Variants in NFASC observed in about 807,000 individuals in gnomAD.
NFASC encodes the protein neurofascin, also known as neurofascin homolog.
A neutral mutation model predicts 147.5 loss-of-function variants in NFASC; 43 were observed. The ratio of observed to expected loss-of-function variants is 0.29; its 90% CI spans 0.23 to 0.38. The LOEUF (loss-of-function observed/expected upper bound fraction) is 0.38, where lower values mean the gene tolerates loss of function less well. Among genes scored for constraint, NFASC ranks in the 10% least tolerant of loss-of-function variants. The pLI is 1.00. For synonymous variants in NFASC, 622 were observed against 665.5 expected (o/e 0.93, Z 1.01); for missense variants, 1,320 against 1,689.0 (o/e 0.78, Z 3.83).
At chr1:204,992,784 G>A (rs1484644632) in intron 24 of NFASC, among the ~76,000 whole-genome samples, 2 of 152,206 alleles carry the variant, frequency 1.3e-5, no homozygotes, top group African/African-American at 2.4e-5. Flanking sequence ...CAAGGCAGGT[G>A]GGCCTGGTGG....
At chr1:204,957,924 C>A in intron 8 of NFASC, 98 bp downstream of exon 8, 1 of 1,118,116 alleles carries the variant, frequency 8.9e-7, no homozygotes, top group Non-Finnish European at 1.3e-6. Context: ...GGAGACTTGT[C>A]CTTGAGGCTG....
At chr1:204,855,441 G>A (rs2076069156) in intron 1 of NFASC, among the ~76,000 whole-genome samples, 1 of 151,932 alleles carries the variant, frequency 6.6e-6, no homozygotes, top group Non-Finnish European at 1.5e-5. Context: ...GATACATGGT[G>A]AAAAAACGAA....
chr1:204,887,552 T>C (rs923913776), intron 1 of NFASC, among the ~76,000 whole-genome samples: 1 of 150,636 alleles, frequency 6.6e-6, no homozygotes, highest in Non-Finnish European at 1.5e-5. Context: ...TATGTGGTAA[T>C]TCCATGTTTA....
At position 204,968,824 on chromosome 1, in the gene NFASC, A is replaced by G; in HGVS notation, c.845A>G (p.Lys282Arg). The change falls in exon 10 of 30, where the codon AAG becomes AGG. Residue 282 changes from lysine to arginine, a missense_variant. Transcript: ENST00000339876. The surrounding 1 kb of genome is among the most constrained non-coding windows in gnomAD (Gnocchi z 5.4). ...GVPTPDIAWYKKGGDLPSDKA... is the reference protein window; with the variant it reads ...GVPTPDIAWYRKGGDLPSDKA... ...CCAACACCAGACATCGCATGGTACA[A>G]GAAAGGTGGGGACCTCCCATCTGAT... is the stretch of plus-strand genomic sequence containing the variant. 1.2e-6 allele frequency: 2 copies of G among 1,613,762 alleles called. No individual in the cohort carries two copies. The highest frequency in any genetic ancestry group is 1.7e-6 in the Non-Finnish European group (2 of 1,180,014).
At chr1:204,974,095 G>A in intron 12 of NFASC, 84 bp from the exon 13 acceptor site, 2 of 1,073,508 alleles carry the variant, frequency 1.9e-6, no homozygotes. Context: ...GCTGTAAGCA[G>A]AAGGCATGCA....
chr1:205,003,098 T>A (rs965183901), intron 27 of NFASC, among the ~76,000 whole-genome samples: 1 of 152,154 alleles, frequency 6.6e-6, no homozygotes, highest in Non-Finnish European at 1.5e-5. Context: ...AGGAGAGTAG[T>A]GCAGCCTGGC....
intron 1 of NFASC, among the ~76,000 whole-genome samples, chr1:204,849,798 G>A (rs1248870983): frequency 2.0e-5 from 3 of 152,208 alleles, no homozygotes; most frequent in African/African-American, 7.2e-5. Flanking sequence ...AAGCAAGCAA[G>A]AGCAGGCACA....
chr1:204,916,392 A>G lies in NFASC; in HGVS notation c.-199-4240A>G, dbSNP rs149621540. On this transcript the variant is annotated intron_variant, in intron 1 of 29. Transcript: ENST00000339876. ...ACTGGTGGTAATTGTGATTTCATTC[A>G]TCTTTAAGGATTATCTGTCTGTCTA... Among the ~76,000 whole-genome samples the G allele has an allele frequency of 5.8e-4, 89 of 152,368 alleles. 2 individuals are homozygous for G. The East Asian group carries it at 0.015, about 25-fold the overall frequency.
intron 26 of NFASC, 74 bp downstream of exon 26, chr1:205,001,360 T>A: frequency 1.1e-6 from 1 of 906,848 alleles, no homozygotes; most frequent in Non-Finnish European, 1.8e-6. Flanking sequence ...TAGATGCCAT[T>A]AAAGAGCTCC....
chr1:204,851,029 A>G (rs1270018674), intron 1 of NFASC, among the ~76,000 whole-genome samples: 1 of 152,234 alleles, frequency 6.6e-6, no homozygotes, highest in Non-Finnish European at 1.5e-5. Context: ...TACATGACAC[A>G]TCAAGATGTT....
chr1:204,965,207 T>G (rs1227557262), intron 8 of NFASC, among the ~76,000 whole-genome samples: 2 of 152,142 alleles, frequency 1.3e-5, no homozygotes, highest in African/African-American at 4.8e-5. Context: ...CAGGGATCCC[T>G]GCCTCCATGA....
chr1:204,905,232 G>C (rs914574166), intron 1 of NFASC, among the ~76,000 whole-genome samples: 14 of 152,178 alleles, frequency 9.2e-5, no homozygotes, highest in Non-Finnish European at 1.3e-4. Context: ...CTGCAGGTAT[G>C]CACTAGCACA....
In NFASC at chr1:204,861,750, A is replaced by G. The variant is rs551293977; in HGVS notation, c.-200+32968A>G. Among the ~76,000 whole-genome samples, 17 of 152,214 alleles carry G rather than the reference A, an allele frequency of 1.1e-4. No homozygotes were observed. The South Asian group carries it at 3.5e-3, about 32-fold the overall frequency. Reference sequence around the variant, plus strand: ...GTGATCTGCCCACCTCGGCCTCCCAAAGTGCTGGGATTACAGGCGTGAGCC... The same window carrying G: ...GTGATCTGCCCACCTCGGCCTCCCAGAGTGCTGGGATTACAGGCGTGAGCC... On this transcript the variant is annotated intron_variant, in intron 1 of 29. Coordinates refer to ENST00000339876, the MANE Select transcript of NFASC (RefSeq NM_001005388.3).
chr1:204,892,617 G>C (rs538750328), intron 1 of NFASC, among the ~76,000 whole-genome samples: 1 of 152,326 alleles, frequency 6.6e-6, no homozygotes, highest in East Asian at 1.9e-4. Flanking sequence ...GAATTGAGAT[G>C]AGCTGTAAGT....
intron 2 of NFASC, among the ~76,000 whole-genome samples, chr1:204,921,190 A>C (rs1296328349): frequency 1.3e-5 from 2 of 152,202 alleles, no homozygotes; most frequent in Admixed American, 1.3e-4. Flanking sequence ...ATCCAGGCGC[A>C]GTAAGCAGCC....
chr1:204,870,633 C>T (rs2077532359), intron 1 of NFASC: 41 of 1,022,468 alleles, frequency 4.0e-5, no homozygotes, highest in Non-Finnish European at 4.7e-5. Context: ...TCATGGGCCA[C>T]ACAACTCTTC....
Position 204,932,113 on chromosome 1 carries a change from G to C in NFASC, c.-91+11373G>C, listed in dbSNP as rs577665363. 2.6e-5 allele frequency among the ~76,000 whole-genome samples: 4 copies of C among 152,212 alleles called. No individual in the cohort carries two copies. The South Asian group carries it at 8.3e-4, about 32-fold the overall frequency. On this transcript the variant is annotated intron_variant, in intron 2 of 29. Coordinates refer to ENST00000339876, the MANE Select transcript of NFASC (RefSeq NM_001005388.3). ...TAAGCCCCAGACCAGCCCCTGAGAG[G>C]CAGAATATAGGTCTCCGTTGGGTCA...
intron 10 of NFASC, among the ~76,000 whole-genome samples, chr1:204,970,370 G>A (rs951497876): frequency 1.3e-5 from 2 of 152,174 alleles, no homozygotes; most frequent in Non-Finnish European, 2.9e-5. Flanking sequence ...GGGGATTCTA[G>A]TGAGCAGCCC....
chr1:204,948,228 C>T (rs200021890), intron 3 of NFASC, among the ~76,000 whole-genome samples: 2 of 152,244 alleles, frequency 1.3e-5, no homozygotes, highest in Non-Finnish European at 2.9e-5. Context: ...CCATAGAAGG[C>T]GAGTGGTGTG....
Sources: allele counts gnomAD v4.1 joint callset (sites outside exome capture counted in the v4.1 genomes callset), GRCh38; gene constraint gnomAD v4.1.1; non-coding constraint Gnocchi (gnomAD v3.1); transcripts MANE v1.5; gene names NCBI Gene and HGNC (gene_info 2026-07-23, HGNC 2026-07-21).